The following C10orf90 variants were observed in gnomAD, a reference collection of about 807,000 sequenced individuals.
C10orf90 encodes chromosome 10 open reading frame 90.
A neutral mutation model predicts 62.5 loss-of-function variants in C10orf90; 56 were observed. The observed-to-expected ratio is 0.90, with a 90% CI of 0.72 to 1.12. The LOEUF is 1.12. Among genes scored for constraint, C10orf90 ranks in the 50% most tolerant of loss-of-function variants. C10orf90 has a pLI of 0.00. For synonymous variants in C10orf90, 386 were observed against 340.4 expected, an observed-to-expected ratio of 1.13 and a Z score of -1.47; for missense variants, 970 against 880.4, an observed-to-expected ratio of 1.10 and a Z score of -1.29.
chr10:126,648,590 G>A (rs1223973638), intron 1 of C10orf90, among the ~76,000 whole-genome samples: 5 of 152,196 alleles, frequency 3.3e-5, no homozygotes, highest in African/African-American at 1.2e-4. Flanking sequence ...ATTGGATAAT[G>A]CATAAAAACT....
At chr10:126,595,757 C>T (rs914569198) in intron 2 of C10orf90, among the ~76,000 whole-genome samples, 10 of 152,050 alleles carry the variant, frequency 6.6e-5, no homozygotes, top group Admixed American at 3.9e-4. Context: ...CCAATAAAGG[C>T]GAATATAGCA....
chr10:126,545,828 G>A (rs1406213880), intron 2 of C10orf90, among the ~76,000 whole-genome samples: 1 of 151,838 alleles, frequency 6.6e-6, no homozygotes, highest in South Asian at 2.1e-4. Flanking sequence ...TCTCGGGGAG[G>A]GCAGTGACTT....
chr10:126,610,907 G>T (rs939210799), intron 2 of C10orf90, among the ~76,000 whole-genome samples: 1 of 152,072 alleles, frequency 6.6e-6, no homozygotes, highest in African/African-American at 2.4e-5. Context: ...AACTGGAGGT[G>T]GGGTGGGAGT....
chr10:126,630,549 C>T (rs1845832202), intron 2 of C10orf90, among the ~76,000 whole-genome samples: 1 of 152,098 alleles, frequency 6.6e-6, no homozygotes, highest in Non-Finnish European at 1.5e-5. Flanking sequence ...AAGCCAAGTC[C>T]GTCTGATAGA....
rs909968883 is a variant in C10orf90, at chr10:126,425,591, A to G, written c.*273T>C. ...GAAGAAATCAGAAGCAAAAGGTACA[A>G]TTTAGAAGCAAAAACATTAAGGGGA... On this transcript the variant is annotated 3_prime_UTR_variant, in exon 10 of 10. Transcript: ENST00000488181. 10 of 465,360 alleles carry G rather than the reference A, an allele frequency of 2.1e-5. No individual in the cohort carries two copies. Among genetic ancestry groups the G allele is most frequent in the African/African-American group, 2.0e-4 (10 of 50,090 alleles). The allele number at this position is 465,360 out of a possible 1,614,324, so 28.8% of individuals were successfully genotyped here. A position where few individuals can be genotyped will look rare whatever the true frequency, so the allele number is the denominator to read the frequency against.
chr10:126,442,975 C>G (rs1470361422), intron 7 of C10orf90, among the ~76,000 whole-genome samples: 1 of 151,892 alleles, frequency 6.6e-6, no homozygotes, highest in Non-Finnish European at 1.5e-5. Flanking sequence ...ACAATAGTGA[C>G]ATAACCTATC....
chr10:126,627,435 G>A lies in C10orf90; in HGVS notation c.313+19130C>T, dbSNP rs56113518. On this transcript the variant is annotated intron_variant, in intron 2 of 9. Coordinates refer to ENST00000488181, the MANE Select transcript of C10orf90 (RefSeq NM_001350921.2). ...TGTAATGGAATCGAATTTACCAGGAGTGAGGCCTACAGGGAAACTTTGCAA... is the reference window on the plus strand; with the variant it reads ...TGTAATGGAATCGAATTTACCAGGAATGAGGCCTACAGGGAAACTTTGCAA... Among the ~76,000 whole-genome samples the A allele has an allele frequency of 3.3e-3, 509 of 152,186 alleles. 3 individuals are homozygous for A. Among genetic ancestry groups the A allele is most frequent in the African/African-American group, 0.012 (497 of 41,524 alleles).
intron 2 of C10orf90, among the ~76,000 whole-genome samples, chr10:126,563,915 G>A (rs1354867999): frequency 6.6e-6 from 1 of 152,154 alleles, no homozygotes; most frequent in Non-Finnish European, 1.5e-5. Context: ...CTGAGAACAG[G>A]CGTTCTCAAT....
chr10:126,425,904 T>C lies in C10orf90; in HGVS notation c.2353-2A>G, dbSNP rs1380571491. On this transcript the variant is annotated splice_acceptor_variant, in intron 9 of 9. Coordinates refer to ENST00000488181, the MANE Select transcript of C10orf90 (RefSeq NM_001350921.2). LOFTEE classifies it high-confidence loss of function. ...TTGAAGGAGCTGGTCCAGTAATTGCTAGAGGAAAAGGGAAACAAAGATGTC... is the reference window on the plus strand; with the variant it reads ...TTGAAGGAGCTGGTCCAGTAATTGCCAGAGGAAAAGGGAAACAAAGATGTC... 3 of 1,614,144 alleles carry C rather than the reference T, an allele frequency of 1.9e-6. No homozygotes were observed. The Admixed American group carries it at 5.0e-5, about 27-fold the overall frequency.
chr10:126,427,374 C>A (rs1013530443), intron 8 of C10orf90, among the ~76,000 whole-genome samples: 1 of 152,152 alleles, frequency 6.6e-6, no homozygotes, highest in Non-Finnish European at 1.5e-5. Context: ...AATCAGCTGG[C>A]AGAGTGGTTA....
intron 4 of C10orf90, among the ~76,000 whole-genome samples, chr10:126,498,747 G>A (rs1183355838): frequency 6.6e-6 from 1 of 152,190 alleles, no homozygotes; most frequent in Non-Finnish European, 1.5e-5. Flanking sequence ...ATATCTTCCT[G>A]GGGAATATAA....
intron 1 of C10orf90, among the ~76,000 whole-genome samples, chr10:126,667,141 C>G (rs928267047): frequency 6.6e-6 from 1 of 151,854 alleles, no homozygotes; most frequent in African/African-American, 2.4e-5. Context: ...TCATTGCAAG[C>G]TCTGCCTCCC....
intron 2 of C10orf90, among the ~76,000 whole-genome samples, chr10:126,568,523 A>G (rs1231644158): frequency 6.6e-6 from 1 of 152,182 alleles, no homozygotes; most frequent in African/African-American, 2.4e-5. Flanking sequence ...TCATGGGCTC[A>G]CTGGTTTAGT....
chr10:126,502,694 C>G (rs1338608093), intron 4 of C10orf90: 2 of 437,014 alleles, frequency 4.6e-6, no homozygotes, highest in African/African-American at 4.2e-5. Flanking sequence ...GGGTAACATA[C>G]AACAATGCAG....
intron 4 of C10orf90, among the ~76,000 whole-genome samples, chr10:126,486,301 C>G (rs1017985546): frequency 3.9e-5 from 6 of 152,110 alleles, no homozygotes; most frequent in African/African-American, 1.4e-4. Flanking sequence ...AGAAGTAAGC[C>G]CAGCTGAGAG....
At position 126,633,318 on chromosome 10, in the gene C10orf90, C is replaced by T. The variant is rs186164732; in HGVS notation, c.313+13247G>A. Among the ~76,000 whole-genome samples the T allele has an allele frequency of 1.4e-3, 220 of 152,362 alleles. 2 individuals carry two copies. The highest frequency in any genetic ancestry group is 1.8e-3 in the Non-Finnish European group (122 of 68,044). ...TGTCTTGGAGAATATCTCACAGTAT[C>T]TGTCTGAGGTGGAGCAGCACACAGG... On this transcript the variant is annotated intron_variant, in intron 2 of 9. Transcript: ENST00000488181.
In C10orf90 at chr10:126,461,620, C is replaced by T. The variant is rs766537244; in HGVS notation, c.1826-35G>A. 1.3e-5 allele frequency: 21 copies of T among 1,589,066 alleles called. No individual in the cohort carries two copies. In the East Asian group the frequency reaches 4.7e-4, roughly 36 times the overall value. On this transcript the variant is annotated intron_variant, in intron 5 of 9. Coordinates refer to ENST00000488181, the MANE Select transcript of C10orf90 (RefSeq NM_001350921.2). Reference sequence around the variant, plus strand: ...AAGATTTAGAATCCCATTTAGAGGGCACCAAGTGATTTTCACGTGGCTCCT... The same window carrying T: ...AAGATTTAGAATCCCATTTAGAGGGTACCAAGTGATTTTCACGTGGCTCCT...
intron 2 of C10orf90, among the ~76,000 whole-genome samples, chr10:126,633,988 G>A (rs537142235): frequency 2.6e-5 from 4 of 152,188 alleles, no homozygotes; most frequent in African/African-American, 9.7e-5. Context: ...GATAAGTTTT[G>A]GCGAAGAAGC....
rs1479991655 is a variant in C10orf90, at chr10:126,576,672, T to C, written c.314-62733A>G. 1.2e-4 allele frequency among the ~76,000 whole-genome samples: 3 copies of C among 25,594 alleles called. 1 individual carries two copies. The highest frequency in any genetic ancestry group is 6.8e-4 in the African/African-American group (3 of 4,386). 16.8% of individuals were successfully genotyped at this position (25,594 alleles called of 152,430 possible). A position where few individuals can be genotyped will look rare whatever the true frequency, so the allele number is the denominator to read the frequency against. On this transcript the variant is annotated intron_variant, in intron 2 of 9. Transcript: ENST00000488181. ...CAGCCAAGATATGTATACATATATA[T>C]GTATACATATACATATACATGTATA...
Sources: allele counts gnomAD v4.1 joint callset (sites outside exome capture counted in the v4.1 genomes callset), GRCh38; gene constraint gnomAD v4.1.1; transcripts MANE v1.5; gene names NCBI Gene and HGNC (gene_info 2026-07-23, HGNC 2026-07-21).